RTN4: variants seen among roughly 807,000 people sequenced by gnomAD.
RTN4 encodes the protein reticulon 4.
Under a neutral mutation model 90.4 loss-of-function variants are expected in RTN4, and 32 were observed. The ratio of observed to expected loss-of-function variants is 0.35; its 90% CI spans 0.27 to 0.48. The LOEUF is 0.48. Among genes scored for constraint, RTN4 ranks in the 20% least tolerant of loss-of-function variants. The pLI, the probability that RTN4 is intolerant of heterozygous loss-of-function variation, is 0.99. For synonymous variants in RTN4, 629 were observed against 552.5 expected (o/e 1.14, Z -1.94); for missense variants, 1,706 against 1,430.2 (o/e 1.19, Z -3.11).
chr2:55,014,080 A>C (rs10174838), intron 3 of RTN4, among the ~76,000 whole-genome samples: 1 of 152,036 alleles, frequency 6.6e-6, no homozygotes, highest in African/African-American at 2.4e-5. Context: ...ACATGTTTCA[A>C]TACTGAAAGG....
chr2:55,114,418 G>A (rs937915434), upstream of RTN4, among the ~76,000 whole-genome samples: 12 of 152,178 alleles, frequency 7.9e-5, no homozygotes, highest in African/African-American at 2.9e-4. Flanking sequence ...TTAACTCCAG[G>A]CCGGGCGTGG....
intron 1 of RTN4, among the ~76,000 whole-genome samples, chr2:55,036,149 G>C (rs565054351): frequency 5.3e-5 from 8 of 152,140 alleles, no homozygotes; most frequent in Admixed American, 1.3e-4. Context: ...GATATAACAC[G>C]AAAATTAAAA....
At chr2:55,120,433 G>T in the RTN4 span, among the ~76,000 whole-genome samples, 2 of 152,046 alleles carry the variant, frequency 1.3e-5, no homozygotes, top group South Asian at 4.1e-4. Flanking sequence ...TCCGGCCCAG[G>T]CTTTACAACG....
At chr2:55,080,293 C>T (rs148471437) in intron 2 of RTN4, among the ~76,000 whole-genome samples, 217 of 152,222 alleles carry the variant, frequency 1.4e-3, no homozygotes, top group African/African-American at 5.1e-3. Flanking sequence ...ACTGGGATTA[C>T]AGGTGTGAAC....
At chr2:55,010,438 G>T in intron 3 of RTN4, 2 of 963,320 alleles carry the variant, frequency 2.1e-6, no homozygotes, top group Middle Eastern at 4.2e-4. Flanking sequence ...GAGAGGGCAG[G>T]CTACCAAAAG....
In RTN4 at chr2:54,987,192, T is replaced by C. The variant is rs1678633167; in HGVS notation, c.3221+299A>G. On this transcript the variant is annotated intron_variant, in intron 4 of 8. Coordinates refer to ENST00000337526, the MANE Select transcript of RTN4 (RefSeq NM_020532.5). The stretch of plus-strand genomic sequence containing the variant: ...AGAATATCCTCATCAAACCTACCCA[T>C]GTTAAAAAGATACAACACTCATTCA... Among the ~76,000 whole-genome samples, 8 of 152,288 alleles carry C rather than the reference T, an allele frequency of 5.3e-5. No individual in the cohort carries two copies. The South Asian group carries it at 1.7e-3, about 32-fold the overall frequency.
chr2:55,093,773 G>A (rs1387634199), intron 1 of RTN4, among the ~76,000 whole-genome samples: 2 of 152,184 alleles, frequency 1.3e-5, no homozygotes, highest in African/African-American at 4.8e-5. Flanking sequence ...GGCAGTCTGA[G>A]GGCCCCTTAA....
intron 3 of RTN4, among the ~76,000 whole-genome samples, chr2:55,015,045 G>A (rs568821863): frequency 1.1e-4 from 17 of 152,244 alleles, no homozygotes; most frequent in African/African-American, 3.6e-4. Flanking sequence ...AGTGCAAAAC[G>A]ATATTCACAG....
At chr2:55,023,529 C>G (rs971920836) in intron 3 of RTN4, among the ~76,000 whole-genome samples, 2 of 152,008 alleles carry the variant, frequency 1.3e-5, no homozygotes, top group African/African-American at 2.4e-5. Flanking sequence ...AAAGCTCTAT[C>G]GTTCCTTCTC....
In RTN4 at chr2:54,973,192, T is replaced by G. The variant is rs539435966; in HGVS notation, c.3543A>C (p.Gln1181His). 7.5e-6 allele frequency: 12 copies of G among 1,603,710 alleles called. No individual in the cohort carries two copies. Among genetic ancestry groups the G allele is most frequent in the Non-Finnish European group, 1.0e-5 (12 of 1,171,566 alleles). Residue 1181 changes from glutamine to histidine, a missense_variant, in exon 9 of 9, where the codon CAA becomes CAC. Coordinates refer to ENST00000337526, the MANE Select transcript of RTN4 (RefSeq NM_020532.5). The part of the protein sequence containing the change: ...KNVKDAMAKI[Q>H]AKIPGLKRKA... The stretch of plus-strand genomic sequence containing the variant: ...TGCGCTTCAATCCAGGGATTTTTGC[T>G]TGGATTCTGAAAATGAAAAAGTCAA...
chr2:55,099,966 A>G (rs1667824399), intron 1 of RTN4, among the ~76,000 whole-genome samples: 1 of 152,100 alleles, frequency 6.6e-6, no homozygotes, highest in Admixed American at 6.5e-5. Context: ...CTGATATGCA[A>G]CATGGACTTA....
chr2:55,134,433 C>T, the RTN4 span, among the ~76,000 whole-genome samples: 5 of 152,176 alleles, frequency 3.3e-5, 1 homozygote, highest in South Asian at 8.3e-4. Context: ...TAATAAGACT[C>T]CCCCAGGTCC....
Position 54,977,356 on chromosome 2 carries a change from G to C in RTN4, c.3361-2592C>G, listed in dbSNP as rs1248638913. On this transcript the variant is annotated intron_variant, in intron 5 of 8. Transcript: ENST00000337526. ...TGTTAACAGCTGCCTATGAGCCTGA[G>C]AGCTAGATTTTAGTGTTCTTCTGGG... Among the ~76,000 whole-genome samples, 4 of 150,932 alleles carry C rather than the reference G, an allele frequency of 2.7e-5. No homozygotes were observed. The South Asian group carries it at 8.4e-4, about 32-fold the overall frequency.
chr2:55,093,144 C>T (rs1668971029), intron 1 of RTN4, among the ~76,000 whole-genome samples: 1 of 151,986 alleles, frequency 6.6e-6, no homozygotes, highest in South Asian at 2.1e-4. Context: ...CATTCGTGGG[C>T]CAGCCAATTA....
intron 2 of RTN4, among the ~76,000 whole-genome samples, chr2:55,056,991 C>T (rs1260616852): frequency 6.6e-6 from 1 of 152,158 alleles, no homozygotes; most frequent in Non-Finnish European, 1.5e-5. Context: ...TAACCCAACC[C>T]CCTTCATAGA....
In RTN4 at chr2:54,973,022, TA is replaced by T; in HGVS notation, c.*133del. On this transcript the variant is annotated 3_prime_UTR_variant, in exon 9 of 9. Coordinates refer to ENST00000337526, the MANE Select transcript of RTN4 (RefSeq NM_020532.5). The stretch of plus-strand genomic sequence containing the variant: ...ATTTTTCCTCACAACAGTGCATGGC[TA>T]AAAATAAAGATCTAACAACGATCTG... The T allele has an allele frequency of 1.5e-6, 1 of 681,176 alleles. No individual in the cohort carries two copies. The highest frequency in any genetic ancestry group is 2.5e-6 in the Non-Finnish European group (1 of 399,338). The allele number at this position is 681,176 out of a possible 1,614,324, so 42.2% of individuals were successfully genotyped here. A position where few individuals can be genotyped will look rare whatever the true frequency, so the allele number is the denominator to read the frequency against.
intron 1 of RTN4, among the ~76,000 whole-genome samples, chr2:55,096,911 T>A (rs76586450): frequency 0.025 from 3,750 of 152,028 alleles, 78 homozygotes; most frequent in South Asian, 0.036. Flanking sequence ...GTGACAGTCA[T>A]TGTAAATGGA....
chr2:54,975,334 A>G (rs759440458), intron 5 of RTN4, among the ~76,000 whole-genome samples: 12 of 152,346 alleles, frequency 7.9e-5, no homozygotes, highest in Non-Finnish European at 1.2e-4. Context: ...TTTGCTTTCT[A>G]ATTCAAGGCC....
At chr2:55,005,892 T>C (rs1680184989) in intron 3 of RTN4, among the ~76,000 whole-genome samples, 1 of 152,142 alleles carries the variant, frequency 6.6e-6, no homozygotes, top group Non-Finnish European at 1.5e-5. Context: ...ATGTGTGGAA[T>C]TTTCTACTTG....
Sources: allele counts gnomAD v4.1 joint callset (sites outside exome capture counted in the v4.1 genomes callset), GRCh38; gene constraint gnomAD v4.1.1; transcripts MANE v1.5; gene names NCBI Gene and HGNC (gene_info 2026-07-23, HGNC 2026-07-21).